The following SCFD2 variants were observed in gnomAD, a reference collection of about 807,000 sequenced individuals.
The protein encoded by SCFD2 is sec1 family domain-containing protein 2.
In SCFD2, 54 loss-of-function variants were observed where a neutral mutation model predicts 58.9. The ratio of observed to expected loss-of-function variants is 0.92; its 90% confidence interval spans 0.74 to 1.15. The LOEUF is 1.15. SCFD2 is among the 50% of genes most tolerant of loss of function. The probability of loss-of-function intolerance (pLI) is 0.00; values close to 1 mark genes in which losing one functional copy is unlikely to be tolerated. For missense variants in SCFD2, 805 were observed against 836.6 expected, an observed-to-expected ratio of 0.96 and a Z score of 0.47; for synonymous variants, 321 against 335.9, an observed-to-expected ratio of 0.96 and a Z score of 0.49.
chr4:53,231,593 T>A (rs1729442045), intron 4 of SCFD2, among the ~76,000 whole-genome samples: 1 of 152,210 alleles, frequency 6.6e-6, no homozygotes, highest in Admixed American at 6.5e-5. Context: ...ATATATGAAT[T>A]ATTCTTAAGG....
At chr4:53,354,034 C>T (rs540832413) in intron 1 of SCFD2, among the ~76,000 whole-genome samples, 8 of 152,378 alleles carry the variant, frequency 5.3e-5, no homozygotes, top group African/African-American at 7.2e-5. Flanking sequence ...GTGGATCACG[C>T]GCCAGGGCTG....
chr4:52,979,608 T>G (rs1445193176), intron 5 of SCFD2, among the ~76,000 whole-genome samples: 1 of 152,150 alleles, frequency 6.6e-6, no homozygotes, highest in East Asian at 1.9e-4. Flanking sequence ...TGAACTGCAC[T>G]GGGCTATGTT....
chr4:53,218,347 A>G (rs1728926703), intron 4 of SCFD2, among the ~76,000 whole-genome samples: 1 of 151,004 alleles, frequency 6.6e-6, no homozygotes, highest in African/African-American at 2.4e-5. Flanking sequence ...ATTTCTTTTT[A>G]CTCTTTTTTC....
chr4:53,354,596 A>G (rs1734347069), intron 1 of SCFD2, among the ~76,000 whole-genome samples: 1 of 152,182 alleles, frequency 6.6e-6, no homozygotes. Context: ...AGGCACTGAG[A>G]GCGAGCAAGG....
At chr4:53,064,923 G>A (rs2148844011) in intron 5 of SCFD2, among the ~76,000 whole-genome samples, 1 of 152,188 alleles carries the variant, frequency 6.6e-6, no homozygotes, top group South Asian at 2.1e-4. Context: ...AATCAATTAT[G>A]ACTTTTAATT....
intron 4 of SCFD2, among the ~76,000 whole-genome samples, chr4:53,152,675 A>C (rs1726546661): frequency 6.6e-6 from 1 of 152,188 alleles, no homozygotes; most frequent in Admixed American, 6.5e-5. Context: ...GTCTTGACTC[A>C]TTCCAGAATC....
At position 53,126,327 on chromosome 4, in the gene SCFD2, GT is replaced by G. The variant is rs566106674; in HGVS notation, c.1561+19005del. Among the ~76,000 whole-genome samples the G allele has an allele frequency of 1.3e-3, 193 of 152,098 alleles. 1 individual carries two copies. The highest frequency in any genetic ancestry group is 2.0e-3 in the Non-Finnish European group (139 of 68,006). ...AGATTGCGTTAAGTTACATCACATT[GT>G]TTTTTGTTTGTTTTGAGACAGAGTC... On this transcript the variant is annotated intron_variant, in intron 5 of 8. Coordinates refer to ENST00000401642, the MANE Select transcript of SCFD2 (RefSeq NM_152540.4).
chr4:52,892,069 A>G (rs1718890714), intron 7 of SCFD2, among the ~76,000 whole-genome samples: 1 of 152,242 alleles, frequency 6.6e-6, no homozygotes, highest in Non-Finnish European at 1.5e-5. Context: ...CTGCTGAGCT[A>G]TAAGGCTGTC....
rs560833633 is a variant in SCFD2 at position 53,346,824 on chromosome 4, T to C, written c.1007+5774A>G. On this transcript the variant is annotated intron_variant, in intron 2 of 8. Coordinates refer to ENST00000401642, the MANE Select transcript of SCFD2 (RefSeq NM_152540.4). ...GAGAAGCTTTGTAGAGGTTCCAAAG[T>C]AAGAGACAACAACTTTCTTTCCTAG... 3.9e-5 allele frequency among the ~76,000 whole-genome samples: 6 copies of C among 152,302 alleles called. No individual in the cohort carries two copies. In the East Asian group the frequency reaches 9.6e-4, roughly 24 times the overall value.
At chr4:53,321,425 A>G (rs1322878772) in intron 2 of SCFD2, among the ~76,000 whole-genome samples, 1 of 152,034 alleles carries the variant, frequency 6.6e-6, no homozygotes, top group African/African-American at 2.4e-5. Context: ...AAGGCATGCA[A>G]TTAAGAGATG....
At chr4:53,344,444 A>G (rs1312290659) in intron 2 of SCFD2, among the ~76,000 whole-genome samples, 1 of 152,196 alleles carries the variant, frequency 6.6e-6, no homozygotes, top group Non-Finnish European at 1.5e-5. Context: ...TCAACGAAAT[A>G]AAAGAGGACA....
intron 3 of SCFD2, among the ~76,000 whole-genome samples, chr4:53,294,815 TG>T (rs1731967174): frequency 2.0e-5 from 3 of 152,084 alleles, no homozygotes; most frequent in Admixed American, 6.6e-5. Flanking sequence ...TTGATTTTTG[TG>T]TAGGTGTAAG....
chr4:53,198,776 C>T (rs1351639940), intron 4 of SCFD2, among the ~76,000 whole-genome samples: 1 of 151,962 alleles, frequency 6.6e-6, no homozygotes, highest in East Asian at 1.9e-4. Flanking sequence ...TGCTTTATCA[C>T]CCAGGTTTTC....
At chr4:53,214,943 G>A (rs1182223844) in intron 4 of SCFD2, among the ~76,000 whole-genome samples, 1 of 152,148 alleles carries the variant, frequency 6.6e-6, no homozygotes, top group Non-Finnish European at 1.5e-5. Context: ...TGTCAGGTTT[G>A]TCAAAGATCA....
At chr4:53,145,311 T>G (rs151283817) in intron 5 of SCFD2, 22 bp downstream of exon 5, 7 of 1,612,640 alleles carry the variant, frequency 4.3e-6, no homozygotes, top group Non-Finnish European at 5.9e-6. Context: ...GTTTGTGTCC[T>G]GTATCTTTGT....
intron 4 of SCFD2, among the ~76,000 whole-genome samples, chr4:53,208,150 T>TAC (rs1447257327): frequency 3.3e-5 from 5 of 151,660 alleles, no homozygotes; most frequent in African/African-American, 1.2e-4. Context: ...TTTTTCTTTT[T>TAC]ATATATATAG....
At chr4:53,262,461 C>T (rs1371705924) in intron 4 of SCFD2, among the ~76,000 whole-genome samples, 1 of 152,160 alleles carries the variant, frequency 6.6e-6, no homozygotes, top group East Asian at 1.9e-4. Context: ...GGTGAATTCT[C>T]TCAGCATTTG....
At chr4:53,347,355 T>C (rs1734087496) in intron 2 of SCFD2, among the ~76,000 whole-genome samples, 3 of 152,192 alleles carry the variant, frequency 2.0e-5, no homozygotes, top group Admixed American at 2.0e-4. Context: ...ATCTCTTGAA[T>C]GCCGGGAGTG....
chr4:53,094,480 G>A (rs777766237), intron 5 of SCFD2, among the ~76,000 whole-genome samples: 46 of 151,734 alleles, frequency 3.0e-4, no homozygotes, highest in East Asian at 7.8e-4. Flanking sequence ...TTGGATTATC[G>A]CCCACCTAAT....
Sources: allele counts gnomAD v4.1 joint callset (sites outside exome capture counted in the v4.1 genomes callset), GRCh38; gene constraint gnomAD v4.1.1; transcripts MANE v1.5; gene names NCBI Gene and HGNC (gene_info 2026-07-23, HGNC 2026-07-21).